CWC27: variants seen among roughly 807,000 people sequenced by gnomAD.
CWC27 encodes the protein spliceosome-associated protein CWC27 homolog.
A neutral mutation model predicts 63.6 loss-of-function variants in CWC27; 47 were observed. The ratio of observed to expected loss-of-function variants is 0.74; its 90% CI spans 0.58 to 0.94. CWC27 has a LOEUF of 0.94. CWC27 is among the 40% of genes least tolerant of loss of function. The pLI, the probability that CWC27 is intolerant of heterozygous loss-of-function variation, is 0.00. For synonymous variants in CWC27, 175 were observed against 179.8 expected (o/e 0.97, Z 0.22); for missense variants, 495 against 554.3 (o/e 0.89, Z 1.07).
intron 7 of CWC27, among the ~76,000 whole-genome samples, chr5:64,793,033 A>G (rs1744133807): frequency 6.6e-6 from 1 of 152,190 alleles, no homozygotes; most frequent in Non-Finnish European, 1.5e-5. Context: ...ATAACTAAAG[A>G]ATGTAAAATT....
chr5:64,806,478 C>CT (rs1251423042), intron 10 of CWC27, among the ~76,000 whole-genome samples: 2 of 152,148 alleles, frequency 1.3e-5, no homozygotes, highest in Non-Finnish European at 2.9e-5. Flanking sequence ...TATAACTGTT[C>CT]TGTTCCCCCA....
At chr5:64,806,487 C>T (rs1309212809) in intron 10 of CWC27, among the ~76,000 whole-genome samples, 1 of 152,162 alleles carries the variant, frequency 6.6e-6, no homozygotes, top group African/African-American at 2.4e-5. Context: ...TCTGTTCCCC[C>T]ACATTTTCAT....
At chr5:64,779,009 G>A (rs1039954177) in intron 2 of CWC27, among the ~76,000 whole-genome samples, 7 of 152,074 alleles carry the variant, frequency 4.6e-5, no homozygotes, top group East Asian at 1.9e-4. Context: ...ATAATTATGA[G>A]GGTGTCTCCA....
Position 64,782,010 on chromosome 5 carries a change from T to C in CWC27, c.229T>C (p.Ser77Pro). ...TACTGGCACAGGGAGTGGTGGAGAG[T>C]CTATCTATGGAGCGCCATTCAAAGT... ...DPTGTGSGGE[S>P]IYGAPFKDEF... Residue 77 changes from serine to proline, a missense_variant, in exon 3 of 14, where the codon TCT becomes CCT. By Grantham distance (74) the Ser-to-Pro change is moderately conservative. This residue lies in a region of CWC27 where 463 missense variants were observed against 498.1 expected (regional missense o/e 0.93). Coordinates refer to ENST00000381070, the MANE Select transcript of CWC27 (RefSeq NM_005869.4). 1 of 1,576,070 alleles carries C rather than the reference T, an allele frequency of 6.3e-7. No homozygotes were observed. Among genetic ancestry groups the C allele is most frequent in the South Asian group, 1.2e-5 (1 of 86,606 alleles).
chr5:64,879,713 T>C (rs1448032911), intron 10 of CWC27, among the ~76,000 whole-genome samples: 1 of 151,146 alleles, frequency 6.6e-6, no homozygotes, highest in Non-Finnish European at 1.5e-5. Context: ...AAGGAGTGTG[T>C]GGATTACAAG....
chr5:64,984,094 A>G (rs555337845), intron 13 of CWC27, among the ~76,000 whole-genome samples: 8 of 152,084 alleles, frequency 5.3e-5, no homozygotes, highest in Non-Finnish European at 1.0e-4. Flanking sequence ...CAGCCTCCCA[A>G]AGTGCTGGGA....
At chr5:64,946,670 A>T (rs1428249466) in intron 11 of CWC27, among the ~76,000 whole-genome samples, 1 of 151,364 alleles carries the variant, frequency 6.6e-6, no homozygotes, top group African/African-American at 2.5e-5. Flanking sequence ...TATTAATGAA[A>T]CTACTGTTTC....
At chr5:64,963,679 A>G (rs1413160400) in intron 11 of CWC27, among the ~76,000 whole-genome samples, 3 of 152,214 alleles carry the variant, frequency 2.0e-5, no homozygotes, top group Non-Finnish European at 2.9e-5. Context: ...TACAGTTTCC[A>G]TGCAGTCCAG....
intron 11 of CWC27, among the ~76,000 whole-genome samples, chr5:64,919,163 T>C (rs539219294): frequency 1.8e-4 from 28 of 152,346 alleles, no homozygotes; most frequent in Admixed American, 1.6e-3. Flanking sequence ...TATATGTATG[T>C]GTACACACGT....
intron 10 of CWC27, among the ~76,000 whole-genome samples, chr5:64,870,122 G>A (rs4449494): frequency 0.36 from 55,259 of 151,894 alleles, 10,639 homozygotes; most frequent in East Asian, 0.51. Context: ...TTGAATTTTG[G>A]GAGGTGATAT....
intron 10 of CWC27, among the ~76,000 whole-genome samples, chr5:64,879,482 A>T (rs1746884709): frequency 6.6e-6 from 1 of 151,968 alleles, no homozygotes; most frequent in Non-Finnish European, 1.5e-5. Context: ...GAAGGTAGAA[A>T]AGTAGAACCA....
chr5:64,800,811 A>T (rs1347834075), intron 8 of CWC27, among the ~76,000 whole-genome samples: 1 of 152,142 alleles, frequency 6.6e-6, no homozygotes, highest in Non-Finnish European at 1.5e-5. Context: ...TCTCTTTGAG[A>T]AGGGAAAACG....
chr5:64,879,866 G>GC (rs1240038716), intron 10 of CWC27, among the ~76,000 whole-genome samples: 3 of 151,510 alleles, frequency 2.0e-5, no homozygotes, highest in African/African-American at 7.3e-5. Context: ...CAAATGCTTG[G>GC]CATTTATACT....
chr5:65,012,554 T>C (rs1384068811), intron 13 of CWC27, among the ~76,000 whole-genome samples: 1 of 152,236 alleles, frequency 6.6e-6, no homozygotes, highest in African/African-American at 2.4e-5. Flanking sequence ...TGGGTCATAT[T>C]TGGCTTTGTT....
At chr5:64,963,149 A>T (rs569878224) in intron 11 of CWC27, among the ~76,000 whole-genome samples, 3 of 152,032 alleles carry the variant, frequency 2.0e-5, no homozygotes, top group Admixed American at 1.3e-4. Flanking sequence ...TTTAGTAGAG[A>T]TAAGGTTTTG....
rs1749369141 is a variant in CWC27 at position 64,983,760 on chromosome 5, G to A, written c.1256+6522G>A. On this transcript the variant is annotated intron_variant, in intron 13 of 13. Transcript: ENST00000381070. ...GAAGTGGTCTGTGACATGGCATTTG[G>A]TTTTATGTTCTTGTTTACTTTTCTA... 2.0e-5 allele frequency among the ~76,000 whole-genome samples: 3 copies of A among 152,176 alleles called. No individual in the cohort carries two copies. In the South Asian group the frequency reaches 6.2e-4, roughly 31 times the overall value.
intron 10 of CWC27, chr5:64,807,623 T>C: frequency 6.5e-7 from 1 of 1,535,320 alleles, no homozygotes; most frequent in Non-Finnish European, 8.7e-7. Context: ...GCCTGTATCT[T>C]GACTACTGGA....
At chr5:64,884,387 A>T (rs1374142412) in intron 10 of CWC27, 1 of 152,128 alleles carries the variant, frequency 6.6e-6, no homozygotes, top group African/African-American at 2.4e-5. Flanking sequence ...AAAAAAAGAT[A>T]AAAAGAACTG....
intron 10 of CWC27, among the ~76,000 whole-genome samples, chr5:64,853,022 A>G (rs564869387): frequency 2.3e-4 from 35 of 152,240 alleles, no homozygotes; most frequent in African/African-American, 8.2e-4. Flanking sequence ...ATTCTCCCCT[A>G]ACTCCTTACA....
Sources: gnomAD v4.1 joint callset for allele counts (sites outside exome capture counted in the v4.1 genomes callset) on GRCh38, gnomAD v4.1.1 for gene constraint, gnomAD v4.1.1 regional missense constraint, MANE v1.5 for transcripts, NCBI Gene and HGNC (gene_info 2026-07-23, HGNC 2026-07-21) for gene names.